The following PPFIBP2 variants were observed in gnomAD, a reference collection of about 807,000 sequenced individuals.
PPFIBP2 encodes liprin-beta-2.
PPFIBP2 carries 118 observed loss-of-function variants against 118.3 expected under a neutral mutation model. The observed-to-expected ratio is 1.00, with a 90% CI of 0.86 to 1.16. The LOEUF (loss-of-function observed/expected upper bound fraction) is 1.16. PPFIBP2 is among the 50% of genes most tolerant of loss of function. PPFIBP2 has a pLI of 0.00. For missense variants in PPFIBP2, 1,195 were observed against 1,073.1 expected, an observed-to-expected ratio of 1.11 and a Z score of -1.59; for synonymous variants, 414 against 397.4, an observed-to-expected ratio of 1.04 and a Z score of -0.50.
At chr11:7,656,513 G>T (rs905029661), downstream of PPFIBP2, among the ~76,000 whole-genome samples, 4 of 152,176 alleles carry the variant, frequency 2.6e-5, no homozygotes, top group African/African-American at 9.7e-5. Flanking sequence ...CCTGAAAATA[G>T]AAAATTTATT....
chr11:7,596,418 T>G (rs74051542), intron 4 of PPFIBP2, among the ~76,000 whole-genome samples: 4,292 of 152,008 alleles, frequency 0.028, 214 homozygotes, highest in African/African-American at 0.098. Context: ...ACATTTTTTT[T>G]GGTTAAAAGT....
At chr11:7,538,819 C>G (rs1409075720) in intron 1 of PPFIBP2, among the ~76,000 whole-genome samples, 1 of 152,098 alleles carries the variant, frequency 6.6e-6, no homozygotes, top group Non-Finnish European at 1.5e-5. Context: ...CCCAGCACTG[C>G]CAGCCTGTGT....
intron 1 of PPFIBP2, among the ~76,000 whole-genome samples, chr11:7,525,584 G>A (rs115293650): frequency 0.032 from 4,943 of 152,254 alleles, 274 homozygotes; most frequent in African/African-American, 0.11. Context: ...AGAACAGCCC[G>A]GAATCAGGTG....
chr11:7,649,405 A>G, intron 20 of PPFIBP2, 127 bp from the exon 21 acceptor site: 6 of 1,329,848 alleles, frequency 4.5e-6, no homozygotes, highest in African/African-American at 1.5e-5. Context: ...GTGATAAGCT[A>G]TTGGTGTCTC....
intron 2 of PPFIBP2, among the ~76,000 whole-genome samples, chr11:7,552,852 C>T (rs1853148417): frequency 6.6e-6 from 1 of 152,082 alleles, no homozygotes; most frequent in South Asian, 2.1e-4. Context: ...TCATGCATTC[C>T]CACATAACTC....
intron 1 of PPFIBP2, among the ~76,000 whole-genome samples, chr11:7,520,948 C>T (rs1489806917): frequency 6.6e-6 from 1 of 152,194 alleles, no homozygotes; most frequent in East Asian, 1.9e-4. Flanking sequence ...TCACAAGCTT[C>T]ATTCTTATCT....
chr11:7,630,818 C>T (rs923390978), intron 10 of PPFIBP2, 107 bp from the exon 11 acceptor site: 12 of 817,312 alleles, frequency 1.5e-5, no homozygotes, highest in Non-Finnish European at 2.3e-5. Flanking sequence ...TTATATATTT[C>T]TTAGTCCTTC....
intron 14 of PPFIBP2, among the ~76,000 whole-genome samples, chr11:7,637,364 A>G (rs1851587544): frequency 6.6e-6 from 1 of 152,094 alleles, no homozygotes; most frequent in Non-Finnish European, 1.5e-5. Flanking sequence ...GGTATGTGAT[A>G]TTTCCTGTGC....
rs148528956 is a variant in PPFIBP2, at chr11:7,625,328, G to A, written c.712-449G>A. 4.5e-3 allele frequency among the ~76,000 whole-genome samples: 682 copies of A among 152,288 alleles called. 6 individuals carry two copies. Among genetic ancestry groups the A allele is most frequent in the Middle Eastern group, 0.014 (4 of 294 alleles). On this transcript the variant is annotated intron_variant, in intron 7 of 23. Coordinates refer to ENST00000299492, the MANE Select transcript of PPFIBP2 (RefSeq NM_003621.5). ...TTGGCTTCCGCTGCATTTTCTCTGT[G>A]GGTTGGAAAGATGAAAACTGCATGC...
intron 3 of PPFIBP2, among the ~76,000 whole-genome samples, chr11:7,592,296 A>G (rs538241642): frequency 2.0e-5 from 3 of 152,212 alleles, no homozygotes; most frequent in South Asian, 4.2e-4. Flanking sequence ...GGTCAGACAC[A>G]CCCAAGAAAG....
chr11:7,521,710 C>A (rs1316553466), intron 1 of PPFIBP2, among the ~76,000 whole-genome samples: 1 of 152,238 alleles, frequency 6.6e-6, no homozygotes, highest in African/African-American at 2.4e-5. Flanking sequence ...TGGCCCCACA[C>A]TTAGCAGATG....
In PPFIBP2 at chr11:7,592,933, G is replaced by A. The variant is rs551782727; in HGVS notation, c.280-199G>A. On this transcript the variant is annotated intron_variant, in intron 3 of 23. Transcript: ENST00000299492. ...AGGTGGTTGTGCCAACTTCCAGGGCGCACTTTTCAGTGGCATGTGATCTGG... is the reference window on the plus strand; with the variant it reads ...AGGTGGTTGTGCCAACTTCCAGGGCACACTTTTCAGTGGCATGTGATCTGG... Among the ~76,000 whole-genome samples, 14 of 152,320 alleles carry A rather than the reference G, an allele frequency of 9.2e-5. No homozygotes were observed. The South Asian group carries it at 1.2e-3, about 14-fold the overall frequency.
intron 2 of PPFIBP2, among the ~76,000 whole-genome samples, chr11:7,555,123 C>G (rs1384467184): frequency 1.3e-5 from 2 of 152,124 alleles, no homozygotes; most frequent in Admixed American, 6.5e-5. Context: ...TTGCATGGAG[C>G]TTAATTTGTG....
intron 5 of PPFIBP2, chr11:7,605,947 A>G (rs1847285404): frequency 6.5e-7 from 1 of 1,532,900 alleles, no homozygotes; most frequent in Non-Finnish European, 8.7e-7. Flanking sequence ...GTGAAGCCAG[A>G]GTGGATACTG....
At chr11:7,602,226 T>C (rs1446164391) in intron 5 of PPFIBP2, among the ~76,000 whole-genome samples, 1 of 152,190 alleles carries the variant, frequency 6.6e-6, no homozygotes, top group East Asian at 1.9e-4. Flanking sequence ...TCTGCCTCTT[T>C]GGTCCTTAAG....
At chr11:7,644,296 TTCA>T (rs1488713161) in intron 17 of PPFIBP2, among the ~76,000 whole-genome samples, 6 of 152,228 alleles carry the variant, frequency 3.9e-5, no homozygotes, top group East Asian at 1.9e-4. Flanking sequence ...TGTGAATTCT[TTCA>T]TCATTTTGTT....
intron 3 of PPFIBP2, among the ~76,000 whole-genome samples, chr11:7,589,164 C>T (rs1429918021): frequency 1.3e-5 from 2 of 152,194 alleles, no homozygotes; most frequent in Admixed American, 1.3e-4. Context: ...AGCCTAGTGG[C>T]TAATGTCATT....
intron 2 of PPFIBP2, among the ~76,000 whole-genome samples, chr11:7,555,441 G>A (rs148737595): frequency 7.9e-5 from 12 of 152,242 alleles, no homozygotes; most frequent in African/African-American, 2.9e-4. Flanking sequence ...GATTGTTCAC[G>A]TTGGCTTGTG....
chr11:7,602,507 T>A (rs1427994422), intron 5 of PPFIBP2, among the ~76,000 whole-genome samples: 1 of 152,148 alleles, frequency 6.6e-6, no homozygotes, highest in East Asian at 1.9e-4. Flanking sequence ...CACTGACCCT[T>A]CTCTAGAGGA....
Sources: gnomAD v4.1 joint callset for allele counts (sites outside exome capture counted in the v4.1 genomes callset) on GRCh38, gnomAD v4.1.1 for gene constraint, MANE v1.5 for transcripts, NCBI Gene and HGNC (gene_info 2026-07-23, HGNC 2026-07-21) for gene names.